C6: variants seen among roughly 807,000 people sequenced by gnomAD.
C6 encodes the protein complement C6.
A neutral mutation model predicts 112.9 loss-of-function variants in C6; 101 were observed. The ratio of observed to expected loss-of-function variants is 0.89; its 90% CI spans 0.76 to 1.06. The LOEUF (loss-of-function observed/expected upper bound fraction) is 1.06, where lower values mean the gene tolerates loss of function less well. Among genes scored for constraint, C6 ranks in the 50% least tolerant of loss-of-function variants. The pLI, the probability that C6 is intolerant of heterozygous loss-of-function variation, is 0.00. For missense variants in C6, 1,202 were observed against 1,104.6 expected (o/e 1.09, Z -1.25); for synonymous variants, 431 against 384.1 (o/e 1.12, Z -1.43).
chr5:41,145,067 T>G (rs1745690235), intron 17 of C6, among the ~76,000 whole-genome samples: 1 of 152,222 alleles, frequency 6.6e-6, no homozygotes, highest in Admixed American at 6.5e-5. Flanking sequence ...ATCTCTATGA[T>G]AGAATGATTT....
Position 41,182,546 on chromosome 5 carries a change from T to C in C6, c.727-987A>G, listed in dbSNP as rs529906886. ...CTTCTCTTCCTTTCATGAGTCTCTT[T>C]AATCTTTGTATACCAGCCAGCCAAT... On this transcript the variant is annotated intron_variant, in intron 6 of 17. Transcript: ENST00000337836. Among the ~76,000 whole-genome samples the C allele has an allele frequency of 1.1e-3, 172 of 152,320 alleles. 9 individuals carry two copies. The South Asian group carries it at 0.034, about 30-fold the overall frequency.
chr5:41,202,346 G>A (rs2150367612), intron 2 of C6, among the ~76,000 whole-genome samples: 1 of 152,252 alleles, frequency 6.6e-6, no homozygotes, highest in South Asian at 2.1e-4. Context: ...GCAGCAGGGA[G>A]CTACTGAAGG....
In C6 at chr5:41,153,981, G is replaced by A. The variant is rs762162009; in HGVS notation, c.2119C>T (p.Pro707Ser). ...VECQRTECIKPVVQEVLTITP... is the reference protein window; with the variant it reads ...VECQRTECIKSVVQEVLTITP... ...ATTGTCAGGACTTCCTGCACAACTG[G>A]CTTGATGCACTCCGTCCCTGCAAGA... Residue 707 changes from proline (P) to serine (S), a missense_variant, in exon 15 of 18, where the codon CCA (proline) becomes TCA (serine). Transcript: ENST00000337836. The A allele has an allele frequency of 6.2e-7, 1 of 1,613,616 alleles. No individual in the cohort carries two copies. The highest frequency in any genetic ancestry group is 2.2e-5 in the East Asian group (1 of 44,830).
chr5:41,242,894 TAAAA>T (rs11363565), intron 1 of C6, among the ~76,000 whole-genome samples: 19 of 148,186 alleles, frequency 1.3e-4, no homozygotes, highest in Non-Finnish European at 2.2e-4. Context: ...CCAAGTACAG[TAAAA>T]AAAAAAAAAA....
chr5:41,199,836 G>T lies in C6; in HGVS notation c.377C>A (p.Pro126Gln). The change falls in exon 4 of 18, where the codon CCA becomes CAA. Residue 126 changes from proline (P) to glutamine (Q), a missense_variant. By Grantham distance (76) the Pro-to-Gln change is moderately conservative. Coordinates refer to ENST00000337836, the MANE Select transcript of C6 (RefSeq NM_000065.5). ...TTTGCAGAGCTTAGATGGAATGCAT[G>T]GTTGAAAGGCTACCAGAGGCGCAGT... is the stretch of plus-strand genomic sequence containing the variant. Reference protein sequence around the residue: ...PCTAPLVAFQPCIPSKLCKIE... With the variant: ...PCTAPLVAFQQCIPSKLCKIE... 6.2e-7 allele frequency: 1 copy of T among 1,613,616 alleles called. No homozygotes were observed. Among genetic ancestry groups the T allele is most frequent in the East Asian group, 2.2e-5 (1 of 44,866 alleles).
intron 7 of C6, among the ~76,000 whole-genome samples, chr5:41,177,918 T>C (rs183024714): frequency 6.6e-6 from 1 of 152,288 alleles, no homozygotes; most frequent in East Asian, 1.9e-4. Flanking sequence ...AGAACCATAG[T>C]TTTCAAAAGT....
At chr5:41,236,329 T>C (rs1160928557) in intron 1 of C6, among the ~76,000 whole-genome samples, 1 of 146,476 alleles carries the variant, frequency 6.8e-6, no homozygotes, top group African/African-American at 2.5e-5. Context: ...ATTTATTAAA[T>C]AGGGAATCCT....
intron 1 of C6, chr5:41,203,729 C>T (rs1388443285): frequency 1.1e-5 from 2 of 175,862 alleles, no homozygotes; most frequent in Non-Finnish European, 2.5e-5. Flanking sequence ...CTAAAGAGAA[C>T]GTTCACTGAC....
intron 1 of C6, among the ~76,000 whole-genome samples, chr5:41,250,386 C>T (rs1219951638): frequency 6.6e-6 from 1 of 152,118 alleles, no homozygotes; most frequent in African/African-American, 2.4e-5. Flanking sequence ...TACCTGTGGT[C>T]CTAGAATTAA....
At chr5:41,164,716 T>C (rs1162788565) in intron 9 of C6, among the ~76,000 whole-genome samples, 5 of 152,216 alleles carry the variant, frequency 3.3e-5, no homozygotes, top group Admixed American at 3.3e-4. Flanking sequence ...CTCTTGTTCC[T>C]ACAGGCTGAA....
intron 5 of C6, among the ~76,000 whole-genome samples, chr5:41,189,797 AC>A (rs1166401717): frequency 1.3e-5 from 2 of 151,848 alleles, no homozygotes; most frequent in Non-Finnish European, 2.9e-5. Flanking sequence ...GTCTCTTGTA[AC>A]CCTTATTCTA....
At chr5:41,151,518 C>T (rs1386026107) in intron 15 of C6, among the ~76,000 whole-genome samples, 1 of 152,024 alleles carries the variant, frequency 6.6e-6, no homozygotes, top group African/African-American at 2.4e-5. Context: ...TTTAAGACAT[C>T]CAAACAACGT....
intron 9 of C6, among the ~76,000 whole-genome samples, chr5:41,167,234 G>A (rs1197371319): frequency 6.6e-6 from 1 of 151,898 alleles, no homozygotes; most frequent in African/African-American, 2.4e-5. Flanking sequence ...TGAAGGCTAG[G>A]GTTTTTAATG....
At chr5:41,182,265 CTT>C (rs371104902) in intron 6 of C6, among the ~76,000 whole-genome samples, 17 of 141,828 alleles carry the variant, frequency 1.2e-4, no homozygotes, top group Non-Finnish European at 7.7e-5. Flanking sequence ...CCCCCCGCCC[CTT>C]TTTTTTTTTT....
chr5:41,186,467 A>G (rs1749778413), intron 5 of C6: 3 of 448,800 alleles, frequency 6.7e-6, no homozygotes, highest in African/African-American at 5.9e-5. Flanking sequence ...TTCAACATAC[A>G]ACAAAATCTG....
intron 1 of C6, among the ~76,000 whole-genome samples, chr5:41,207,350 A>T (rs1481325682): frequency 6.6e-6 from 1 of 152,228 alleles, no homozygotes; most frequent in Non-Finnish European, 1.5e-5. Context: ...TAACATCATA[A>T]TGACGGGTTC....
intron 6 of C6, among the ~76,000 whole-genome samples, chr5:41,181,877 G>A (rs141653724): frequency 6.6e-6 from 1 of 152,186 alleles, no homozygotes; most frequent in African/African-American, 2.4e-5. Flanking sequence ...AGACTTAACA[G>A]GGTGATAAAC....
intron 1 of C6, among the ~76,000 whole-genome samples, chr5:41,205,302 T>A (rs905756998): frequency 1.3e-5 from 2 of 152,198 alleles, no homozygotes; most frequent in East Asian, 3.9e-4. Context: ...CAGCTCCTAG[T>A]GTGAGAGACA....
chr5:41,238,364 C>G (rs1224626980), intron 1 of C6, among the ~76,000 whole-genome samples: 1 of 151,722 alleles, frequency 6.6e-6, no homozygotes, highest in Non-Finnish European at 1.5e-5. Flanking sequence ...CAGCATGGTA[C>G]TGGTACCAAA....
Sources: gnomAD v4.1 joint callset for allele counts (sites outside exome capture counted in the v4.1 genomes callset) on GRCh38, gnomAD v4.1.1 for gene constraint, MANE v1.5 for transcripts, NCBI Gene and HGNC (gene_info 2026-07-23, HGNC 2026-07-21) for gene names.